RPH3A: variants seen among roughly 807,000 people sequenced by gnomAD.
RPH3A encodes the protein rabphilin-3A.
RPH3A carries 48 observed loss-of-function variants against 102.2 expected under a neutral mutation model. That is an observed-to-expected ratio of 0.47 (90% CI 0.37 to 0.60). The LOEUF (loss-of-function observed/expected upper bound fraction) is 0.60, where lower values mean the gene tolerates loss of function less well. RPH3A is among the 20% of genes least tolerant of loss of function. RPH3A has a pLI of 0.00. For synonymous variants in RPH3A, 310 were observed against 324.3 expected (o/e 0.96, Z 0.47); for missense variants, 781 against 910.1 (o/e 0.86, Z 1.83).
chr12:112,808,904 T>C (rs140600576), intron 2 of RPH3A, among the ~76,000 whole-genome samples: 265 of 152,276 alleles, frequency 1.7e-3, no homozygotes, highest in African/African-American at 6.3e-3. Flanking sequence ...AGCAGGTGGC[T>C]CTCGGCCCTG....
intron 1 of RPH3A, among the ~76,000 whole-genome samples, chr12:112,584,289 AC>A (rs1264817378): frequency 3.3e-5 from 5 of 152,170 alleles, no homozygotes; most frequent in African/African-American, 1.2e-4. Context: ...ACCACAGGGA[AC>A]CCAAGAGCAG....
At chr12:112,820,745 A>G (rs1432580995) in intron 2 of RPH3A, among the ~76,000 whole-genome samples, 1 of 152,190 alleles carries the variant, frequency 6.6e-6, no homozygotes, top group Non-Finnish European at 1.5e-5. Context: ...GCAGTGGAGG[A>G]TGAACTCTGT....
chr12:112,879,560 GGTCC>G (rs1221971678), intron 14 of RPH3A, among the ~76,000 whole-genome samples: 2 of 152,198 alleles, frequency 1.3e-5, no homozygotes, highest in Non-Finnish European at 2.9e-5. Context: ...GCCATGGAAT[GGTCC>G]CATCCCTGTG....
intron 1 of RPH3A, among the ~76,000 whole-genome samples, chr12:112,681,005 A>AGGTT (rs2040222691): frequency 6.6e-6 from 1 of 151,498 alleles, no homozygotes; most frequent in Non-Finnish European, 1.5e-5. Context: ...TTTGGTTCTA[A>AGGTT]GGTTTGAAGT....
chr12:112,725,675 G>A (rs2040583333), intron 1 of RPH3A, among the ~76,000 whole-genome samples: 1 of 152,198 alleles, frequency 6.6e-6, no homozygotes, highest in Non-Finnish European at 1.5e-5. Context: ...GGTTCAGGGA[G>A]AGACCCGTGA....
At chr12:112,713,457 G>C (rs1353842256) in intron 1 of RPH3A, among the ~76,000 whole-genome samples, 1 of 152,054 alleles carries the variant, frequency 6.6e-6, no homozygotes, top group Non-Finnish European at 1.5e-5. Context: ...GTAGAAAAGA[G>C]AGCATATTTC....
At chr12:112,865,306 C>T (rs1451203957) in intron 5 of RPH3A, 108 bp from the exon 6 acceptor site, 1 of 1,297,286 alleles carries the variant, frequency 7.7e-7, no homozygotes, top group South Asian at 1.4e-5. Flanking sequence ...ATCAGACGCA[C>T]AACAGCGTAT....
chr12:112,680,962 G>T (rs2040222209), intron 1 of RPH3A, among the ~76,000 whole-genome samples: 1 of 149,682 alleles, frequency 6.7e-6, no homozygotes, highest in Non-Finnish European at 1.5e-5. Flanking sequence ...CCTCTTCCTT[G>T]CTTCTTCTTC....
At chr12:112,812,530 G>A (rs1172849491) in intron 2 of RPH3A, among the ~76,000 whole-genome samples, 2 of 152,204 alleles carry the variant, frequency 1.3e-5, no homozygotes, top group East Asian at 1.9e-4. Flanking sequence ...ATTTCAGGGT[G>A]TGAAAAAAGT....
intron 14 of RPH3A, 126 bp from the exon 15 acceptor site, chr12:112,881,646 T>C: frequency 1.7e-6 from 1 of 590,756 alleles, no homozygotes; most frequent in Non-Finnish European, 3.0e-6. Context: ...TCTCTCTCTT[T>C]GGAGGAGGAA....
chr12:112,870,582 C>A lies in RPH3A; in HGVS notation c.796+543C>A, dbSNP rs144598873. On this transcript the variant is annotated intron_variant, in intron 10 of 21. Coordinates refer to ENST00000389385, the MANE Select transcript of RPH3A (RefSeq NM_001143854.2). ...ACAGGACTTTGAAGGAAATGTCTAC[C>A]ATATTGGAACATCTTTGTTCCATGG... 7.6e-4 allele frequency among the ~76,000 whole-genome samples: 116 copies of A among 152,272 alleles called. 1 individual carries two copies. The highest frequency in any genetic ancestry group is 2.6e-3 in the African/African-American group (108 of 41,552).
chr12:112,594,910 T>C (rs949382393), intron 1 of RPH3A, among the ~76,000 whole-genome samples: 2 of 152,222 alleles, frequency 1.3e-5, no homozygotes, highest in African/African-American at 4.8e-5. Flanking sequence ...TCCCAACTTT[T>C]CCACAACTCT....
At position 112,794,721 on chromosome 12, in the gene RPH3A, C is replaced by A. The variant is rs141529405; in HGVS notation, c.-19+2458C>A. Among the ~76,000 whole-genome samples the A allele has an allele frequency of 1.3e-3, 196 of 152,264 alleles. 2 individuals carry two copies. The highest frequency in any genetic ancestry group is 4.6e-3 in the African/African-American group (190 of 41,544). Reference sequence around the variant, plus strand: ...ACCTCTGATTTAGTCTAACCCTTTCCAGGGGGGCCCAGAGAGGAAAAACAA... The same window carrying A: ...ACCTCTGATTTAGTCTAACCCTTTCAAGGGGGGCCCAGAGAGGAAAAACAA... On this transcript the variant is annotated intron_variant, in intron 2 of 21. Coordinates refer to ENST00000389385, the MANE Select transcript of RPH3A (RefSeq NM_001143854.2).
rs2040198502 is a variant in RPH3A, at chr12:112,678,287, AAGAAAGAAAGAAAGAAAGAGAG to A, written c.-140+102972_-140+102993del. Among the ~76,000 whole-genome samples, 2 of 35,606 alleles carry A rather than the reference AAGAAAGAAAGAAAGAAAGAGAG, an allele frequency of 5.6e-5. 1 individual carries two copies. Among genetic ancestry groups the A allele is most frequent in the South Asian group, 1.0e-3 (2 of 1,964 alleles). The allele number at this position is 35,606 out of a possible 152,430, so 23.4% of individuals were successfully genotyped here. ...AAAGAAAGAAAGAAAGAAAGAAAGAAAGAAAGAAAGAAAGAAAGAGAGAGAGAGAGAAAGAAAGAAAGAAGGA... is the reference window on the plus strand; with the variant it reads ...AAAGAAAGAAAGAAAGAAAGAAAGAAAGAGAGAGAAAGAAAGAAAGAAGGA... On this transcript the variant is annotated intron_variant, in intron 1 of 21. Transcript: ENST00000543106.
chr12:112,831,143 A>G (rs1317550760), intron 3 of RPH3A, among the ~76,000 whole-genome samples: 2 of 146,636 alleles, frequency 1.4e-5, no homozygotes, highest in Non-Finnish European at 3.0e-5. Flanking sequence ...GGCTGACTGT[A>G]TTTGGCCTGT....
intron 18 of RPH3A, among the ~76,000 whole-genome samples, chr12:112,890,313 G>A (rs1291770436): frequency 2.6e-5 from 4 of 152,180 alleles, no homozygotes; most frequent in Non-Finnish European, 5.9e-5. Flanking sequence ...CCAGGTTTTT[G>A]GCCTTGTTGT....
At chr12:112,879,296 G>T in intron 14 of RPH3A, 98 bp downstream of exon 14, 7 of 1,040,808 alleles carry the variant, frequency 6.7e-6, no homozygotes, top group Non-Finnish European at 1.0e-5. Flanking sequence ...TCCTGTTGTT[G>T]CTTGTCTATC....
chr12:112,849,010 G>T (rs1452613704), intron 5 of RPH3A, among the ~76,000 whole-genome samples: 1 of 152,116 alleles, frequency 6.6e-6, no homozygotes, highest in Non-Finnish European at 1.5e-5. Context: ...TCCACCCTAT[G>T]CCCCTACCCA....
rs117633563 is a variant in RPH3A at position 112,714,771 on chromosome 12, G to A, written c.-139-77372G>A. ...GGATTTAAGGCCACACTCAGGCTCT[G>A]CAGGAAAAGTACTATGGTTGATTAG... On this transcript the variant is annotated intron_variant, in intron 1 of 21. Transcript: ENST00000543106. Among the ~76,000 whole-genome samples, 1,096 of 152,288 alleles carry A rather than the reference G, an allele frequency of 7.2e-3. 3 individuals are homozygous for A. Among genetic ancestry groups the A allele is most frequent in the Middle Eastern group, 0.01 (3 of 294 alleles).
Sources: allele counts gnomAD v4.1 joint callset (sites outside exome capture counted in the v4.1 genomes callset), GRCh38; gene constraint gnomAD v4.1.1; transcripts MANE v1.5; gene names NCBI Gene and HGNC (gene_info 2026-07-23, HGNC 2026-07-21).